LYSMD4: variants seen among roughly 807,000 people sequenced by gnomAD.
LYSMD4 encodes lysM and putative peptidoglycan-binding domain-containing protein 4.
A neutral mutation model predicts 6.1 loss-of-function variants in LYSMD4; 9 were observed. The observed-to-expected ratio is 1.47, with a 90% CI of 0.88 to 2.56. The LOEUF is 2.56. Ranked by LOEUF, LYSMD4 falls within the 30% of genes most tolerant of loss-of-function variation. LYSMD4 has a pLI of 0.00. For missense variants in LYSMD4, 384 were observed against 373.5 expected, an observed-to-expected ratio of 1.03 and a Z score of -0.23; for synonymous variants, 143 against 148.5, an observed-to-expected ratio of 0.96 and a Z score of 0.27.
At chr15:99,725,468 A>T (rs2059270980), downstream of LYSMD4, among the ~76,000 whole-genome samples, 1 of 152,056 alleles carries the variant, frequency 6.6e-6, no homozygotes, top group Admixed American at 6.5e-5. Flanking sequence ...CCCTAGTCCC[A>T]CTTTACTTCT....
At chr15:99,731,277 G>T in intron 2 of LYSMD4, 3 of 1,599,986 alleles carry the variant, frequency 1.9e-6, no homozygotes, top group Non-Finnish European at 2.6e-6. Context: ...AACGAGAGAA[G>T]GTAAAACTTT....
rs1597385474 is a variant in LYSMD4, at chr15:99,728,366, A to T, written c.*757T>A. 3.3e-5 allele frequency: 5 copies of T among 152,558 alleles called. No individual in the cohort carries two copies. The highest frequency in any genetic ancestry group is 3.3e-4 in the Admixed American group (5 of 15,296). 9.5% of individuals were successfully genotyped at this position (152,558 alleles called of 1,614,324 possible). A position where few individuals can be genotyped will look rare whatever the true frequency, so the allele number is the denominator to read the frequency against. ...CCAGCAAGAGCTCCTTCCAAGGAGG[A>T]CAAGTGGGAGAATCCAGAGAGCCAC... is the stretch of plus-strand genomic sequence containing the variant. On this transcript the variant is annotated 3_prime_UTR_variant, in exon 3 of 3. Coordinates refer to ENST00000684762, the MANE Select transcript of LYSMD4 (RefSeq NM_001284417.2).
rs561660006 is a variant in LYSMD4, at chr15:99,729,006, A to C, written c.*117T>G. Reference sequence around the variant, plus strand: ...ATTGGGAATACTGCAGTGACTTCTGAAAAGTGTCCATCCTTCCCCGGAAGC... The same window carrying C: ...ATTGGGAATACTGCAGTGACTTCTGCAAAGTGTCCATCCTTCCCCGGAAGC... On this transcript the variant is annotated 3_prime_UTR_variant, in exon 3 of 3. Transcript: ENST00000684762. The C allele has an allele frequency of 1.4e-6, 2 of 1,394,702 alleles. No homozygotes were observed. Among genetic ancestry groups the C allele is most frequent in the African/African-American group, 1.4e-5 (1 of 70,126 alleles). 86.4% of individuals were successfully genotyped at this position (1,394,702 alleles called of 1,614,324 possible). A position where few individuals can be genotyped will look rare whatever the true frequency, so the allele number is the denominator to read the frequency against.
At chr15:99,732,559 T>C (rs927583243) in intron 1 of LYSMD4, among the ~76,000 whole-genome samples, 9 of 152,240 alleles carry the variant, frequency 5.9e-5, no homozygotes, top group African/African-American at 1.7e-4. Flanking sequence ...GGAGAACTCA[T>C]GCCTGTCAGC....
At chr15:99,725,221 GTCTAGACTTCCTGGCTCCTTACT>G (rs1193907144), downstream of LYSMD4, among the ~76,000 whole-genome samples, 2 of 152,134 alleles carry the variant, frequency 1.3e-5, no homozygotes, top group Admixed American at 6.5e-5. Flanking sequence ...TCTAGAATGT[GTCTAGACTTCCTGGCTCCTTACT>G]TCTAGCCCTC....
chr15:99,731,402 T>A, intron 2 of LYSMD4: 1 of 1,612,560 alleles, frequency 6.2e-7, no homozygotes, highest in Non-Finnish European at 8.5e-7. Flanking sequence ...TCCAGCCCCA[T>A]TAGGTCTAAA....
downstream of LYSMD4, among the ~76,000 whole-genome samples, chr15:99,726,133 G>A (rs890284671): frequency 1.4e-5 from 2 of 141,884 alleles, no homozygotes; most frequent in African/African-American, 5.2e-5. Flanking sequence ...CCAGGCTTCC[G>A]CTGTCTCAAG....
intron 2 of LYSMD4, 138 bp from the exon 3 acceptor site, chr15:99,729,869 C>T (rs964492093): frequency 1.8e-6 from 2 of 1,122,824 alleles, no homozygotes; most frequent in Admixed American, 5.8e-5. Flanking sequence ...TGGAAAACTG[C>T]AGCTGTACAC....
rs915428578 is a variant in LYSMD4, at chr15:99,729,610, G to C, written c.404C>G (p.Pro135Arg). ...GGTCTCGGAAGACGGGCTCAGAAGG[G>C]GTTTCAGTTCTTTGTGGGTCTCCAT... Reference protein sequence around the residue: ...ILMETHKELKPLLSPSSETTV... With the variant: ...ILMETHKELKRLLSPSSETTV... Residue 135 changes from proline to arginine, a missense_variant, in exon 3 of 3, where the codon CCC (proline) becomes CGC (arginine). By Grantham distance (103) the Pro-to-Arg change is moderately radical. Transcript: ENST00000684762. 6.2e-7 allele frequency: 1 copy of C among 1,614,118 alleles called. No homozygotes were observed. Among genetic ancestry groups the C allele is most frequent in the Non-Finnish European group, 8.5e-7 (1 of 1,180,030 alleles).
At chr15:99,722,858 C>T (rs1252747234), downstream of LYSMD4, among the ~76,000 whole-genome samples, 1 of 152,046 alleles carries the variant, frequency 6.6e-6, no homozygotes, top group African/African-American at 2.4e-5. Flanking sequence ...ATGACAAAAA[C>T]CCGTCTCTAT....
downstream of LYSMD4, among the ~76,000 whole-genome samples, chr15:99,726,392 C>T (rs1176566996): frequency 6.6e-6 from 1 of 152,100 alleles, no homozygotes; most frequent in South Asian, 2.1e-4. Context: ...GATCCATCCG[C>T]CTCGGCCTTC....
At chr15:99,716,782 G>T in exon 1 of LYSMD4, 1 of 420,626 alleles carries the variant, frequency 2.4e-6, no homozygotes, top group Non-Finnish European at 4.8e-6. Context: ...CAGTGCTGTG[G>T]ATGAGTGGAA....
chr15:99,726,146 G>GTTTTTT (rs10637642), downstream of LYSMD4, among the ~76,000 whole-genome samples: 4,448 of 62,092 alleles, frequency 0.072, 528 homozygotes, highest in East Asian at 0.17. Flanking sequence ...GTCTCAAGTG[G>GTTTTTT]TTTTTTTTTT....
At position 99,731,429 on chromosome 15, in the gene LYSMD4, A is replaced by T. The variant is rs750857972; in HGVS notation, c.282+289T>A. The T allele has an allele frequency of 1.9e-6, 3 of 1,607,278 alleles. No homozygotes were observed. The East Asian group carries it at 6.7e-5, about 36-fold the overall frequency. On this transcript the variant is annotated intron_variant, in intron 2 of 2. Transcript: ENST00000684762. ...AGGTCTAAAATAAAATGTGCTCGAA[A>T]GAAGAAAAAAGGTTTCAGAATTTCA...
At chr15:99,720,459 A>G (rs2059229550), upstream of LYSMD4, among the ~76,000 whole-genome samples, 1 of 152,188 alleles carries the variant, frequency 6.6e-6, no homozygotes, top group African/African-American at 2.4e-5. Context: ...CTCTCTACAA[A>G]AAGAAAAATA....
chr15:99,716,194 A>AGAT (rs1272994595), exon 1 of LYSMD4: 2 of 185,192 alleles, frequency 1.1e-5, no homozygotes, highest in Non-Finnish European at 2.3e-5. Context: ...TTTTTAAAAG[A>AGAT]GATTTATGTA....
At chr15:99,730,690 C>T (rs2059384382) in intron 2 of LYSMD4, among the ~76,000 whole-genome samples, 1 of 150,948 alleles carries the variant, frequency 6.6e-6, no homozygotes, top group Non-Finnish European at 1.5e-5. Context: ...ATCTTTCTGT[C>T]TCTGCCTTCA....
upstream of LYSMD4, among the ~76,000 whole-genome samples, chr15:99,719,594 C>T (rs1023234038): frequency 1.3e-5 from 2 of 152,252 alleles, no homozygotes; most frequent in Admixed American, 6.5e-5. Context: ...AGTTCATAGA[C>T]GTTTTCATCC....
upstream of LYSMD4, among the ~76,000 whole-genome samples, chr15:99,718,443 A>G (rs2059210903): frequency 6.6e-6 from 1 of 152,106 alleles, no homozygotes; most frequent in African/African-American, 2.4e-5. Flanking sequence ...CTGCAGGGTT[A>G]TATTTTCACC....
Sources: allele counts gnomAD v4.1 joint callset (sites outside exome capture counted in the v4.1 genomes callset), GRCh38; gene constraint gnomAD v4.1.1; transcripts MANE v1.5; gene names NCBI Gene and HGNC (gene_info 2026-07-23, HGNC 2026-07-21).